The following E2F3 variants were observed in gnomAD, a reference collection of about 807,000 sequenced individuals.
The protein encoded by E2F3 is transcription factor E2F3.
A neutral mutation model predicts 44.4 loss-of-function variants in E2F3; 11 were observed. The ratio of observed to expected loss-of-function variants is 0.25; its 90% CI spans 0.16 to 0.41. The LOEUF is 0.41. Ranked by LOEUF, E2F3 falls within the 10% of genes least tolerant of loss-of-function variation. The pLI, the probability that E2F3 is intolerant of heterozygous loss-of-function variation, is 1.00. For synonymous variants in E2F3, 249 were observed against 253.0 expected (o/e 0.98, Z 0.15); for missense variants, 487 against 583.6 (o/e 0.83, Z 1.70).
chr6:20,482,830 A>T lies in E2F3; in HGVS notation c.794A>T (p.Glu265Val). 1.2e-6 allele frequency: 2 copies of T among 1,613,710 alleles called. No individual in the cohort carries two copies. The highest frequency in any genetic ancestry group is 1.7e-6 in the Non-Finnish European group (2 of 1,179,806). ...QCQGLSKEVTELSQEEKKLDE... is the reference protein window; with the variant it reads ...QCQGLSKEVTVLSQEEKKLDE... ...CAAGGCCTGTCAAAAGAAGTGACCG[A>T]GCTCAGTCAGGAAGAGAAGAAATTA... The change falls in exon 4 of 7, where the codon GAG becomes GTG. Residue 265 changes from glutamate to valine, a missense_variant. Glu to Val is a moderately radical substitution (Grantham distance 121). Around this residue, in one of 3 missense-constraint regions of E2F3, gnomAD observed 220 missense variants for 261.7 expected, o/e 0.84. Coordinates refer to ENST00000346618, the MANE Select transcript of E2F3 (RefSeq NM_001949.5).
chr6:20,403,436 C>T (rs957785430), intron 1 of E2F3, among the ~76,000 whole-genome samples: 1 of 152,134 alleles, frequency 6.6e-6, no homozygotes, highest in African/African-American at 2.4e-5. Flanking sequence ...CCCTGTCCCC[C>T]TCTCCGCCCC....
intron 1 of E2F3, among the ~76,000 whole-genome samples, chr6:20,466,975 C>T (rs1010636875): frequency 2.0e-5 from 3 of 152,148 alleles, no homozygotes; most frequent in African/African-American, 4.8e-5. Context: ...CAACCGCGCC[C>T]GGCCCAGTGT....
intron 1 of E2F3, among the ~76,000 whole-genome samples, chr6:20,464,165 A>G (rs915267313): frequency 6.6e-6 from 1 of 152,194 alleles, no homozygotes; most frequent in Non-Finnish European, 1.5e-5. Flanking sequence ...GGGGGCTTTT[A>G]TGGAAGCTGC....
At chr6:20,458,952 T>A in intron 1 of E2F3, among the ~76,000 whole-genome samples, 1 of 2,722 alleles carries the variant, frequency 3.7e-4, no homozygotes, top group South Asian at 0.012. Context: ...TCCACAGTTG[T>A]TTTTTTTCTT....
In E2F3 at chr6:20,464,680, C is replaced by T. The variant is rs11967403; in HGVS notation, c.394-15166C>T. Among the ~76,000 whole-genome samples, 151 of 152,316 alleles carry T rather than the reference C, an allele frequency of 9.9e-4. 1 individual carries two copies. The highest frequency in any genetic ancestry group is 3.5e-3 in the African/African-American group (145 of 41,572). On this transcript the variant is annotated intron_variant, in intron 1 of 6. Transcript: ENST00000346618. ...ATTGCTCAAAGGGTGGATTTGCATG[C>T]CTTCTGTTTTACAGTACTATGTAGG...
At chr6:20,446,014 TG>T in intron 1 of E2F3, among the ~76,000 whole-genome samples, 1 of 152,140 alleles carries the variant, frequency 6.6e-6, no homozygotes, top group Non-Finnish European at 1.5e-5. Context: ...AGTGTAGACA[TG>T]CCACTTTGCC....
At chr6:20,472,386 G>A (rs1761922489) in intron 1 of E2F3, among the ~76,000 whole-genome samples, 2 of 152,078 alleles carry the variant, frequency 1.3e-5, no homozygotes, top group African/African-American at 4.8e-5. Context: ...ATAGACTGAG[G>A]TTCAAATCCT....
chr6:20,434,748 C>T (rs762219584), intron 1 of E2F3, among the ~76,000 whole-genome samples: 3 of 152,204 alleles, frequency 2.0e-5, no homozygotes, highest in African/African-American at 7.2e-5. Context: ...CCTGACATCC[C>T]CATTCACTGC....
chr6:20,403,811 G>A, intron 1 of E2F3: 1 of 1,497,370 alleles, frequency 6.7e-7, no homozygotes, highest in Non-Finnish European at 8.9e-7. Flanking sequence ...GGCTGGTTTC[G>A]GAAATGCCCT....
rs973866112 is a variant in E2F3 at position 20,491,190 on chromosome 6, T to A, written c.*760T>A. On this transcript the variant is annotated 3_prime_UTR_variant, in exon 7 of 7. Transcript: ENST00000346618. ...CCCCAATGTGTTTGTGAGTTTCCAG[T>A]TGATTTGTAGCAAATGCCTACTTAG... 1.7e-5 allele frequency: 4 copies of A among 232,840 alleles called. No homozygotes were observed. Among genetic ancestry groups the A allele is most frequent in the African/African-American group, 2.2e-5 (1 of 45,290 alleles). The allele number at this position is 232,840 out of a possible 1,614,324, so 14.4% of individuals were successfully genotyped here.
At chr6:20,467,771 C>G (rs1048674853) in intron 1 of E2F3, among the ~76,000 whole-genome samples, 1 of 151,986 alleles carries the variant, frequency 6.6e-6, no homozygotes, top group Admixed American at 6.5e-5. Context: ...CTTATTAGTT[C>G]GCATTTCTTC....
chr6:20,420,365 G>T (rs1235513299), intron 1 of E2F3, among the ~76,000 whole-genome samples: 1 of 151,950 alleles, frequency 6.6e-6, no homozygotes, highest in Non-Finnish European at 1.5e-5. Flanking sequence ...TCATTTTTGT[G>T]CCCAAGGCTA....
chr6:20,486,648 A>T, intron 4 of E2F3, 41 bp from the exon 5 acceptor site: 1 of 1,042,076 alleles, frequency 9.6e-7, no homozygotes, highest in East Asian at 2.4e-5. Context: ...TCATACTTAT[A>T]TCTGAGGTAA....
intron 1 of E2F3, among the ~76,000 whole-genome samples, chr6:20,424,247 G>GTA (rs769353822): frequency 2.7e-5 from 4 of 147,642 alleles, no homozygotes; most frequent in Non-Finnish European, 5.9e-5. Context: ...GTGTGTGTGT[G>GTA]TGTTTTAAAG....
intron 1 of E2F3, among the ~76,000 whole-genome samples, chr6:20,473,655 A>G (rs1761959979): frequency 6.6e-6 from 1 of 151,994 alleles, no homozygotes; most frequent in South Asian, 2.1e-4. Context: ...TGTATCTAGC[A>G]CCTCCCTTGA....
At chr6:20,464,426 T>C (rs1761634236) in intron 1 of E2F3, among the ~76,000 whole-genome samples, 1 of 152,194 alleles carries the variant, frequency 6.6e-6, no homozygotes, top group African/African-American at 2.4e-5. Context: ...ACCATTTCCA[T>C]TTTATGATAG....
chr6:20,477,167 T>A (rs536546789), intron 1 of E2F3, among the ~76,000 whole-genome samples: 81 of 151,962 alleles, frequency 5.3e-4, no homozygotes, highest in African/African-American at 1.9e-3. Flanking sequence ...TGATGGGGGG[T>A]CTTGCTACGT....
chr6:20,443,349 CCA>C (rs1760836086), intron 1 of E2F3, among the ~76,000 whole-genome samples: 1 of 152,190 alleles, frequency 6.6e-6, no homozygotes, highest in Non-Finnish European at 1.5e-5. Flanking sequence ...CCTGAAATCC[CCA>C]GTTTGGGATT....
chr6:20,461,990 A>G (rs1248970865), intron 1 of E2F3, among the ~76,000 whole-genome samples: 1 of 152,076 alleles, frequency 6.6e-6, no homozygotes, highest in African/African-American at 2.4e-5. Context: ...TTTAATTTAT[A>G]TTTCTCTGAC....
Sources: gnomAD v4.1 joint callset for allele counts (sites outside exome capture counted in the v4.1 genomes callset) on GRCh38, gnomAD v4.1.1 for gene constraint, gnomAD v4.1.1 regional missense constraint, MANE v1.5 for transcripts, NCBI Gene and HGNC (gene_info 2026-07-23, HGNC 2026-07-21) for gene names.